AP3B1: variants seen among roughly 807,000 people sequenced by gnomAD.
The protein encoded by AP3B1 is AP-3 complex subunit beta-1.
Under a neutral mutation model 132.5 loss-of-function variants are expected in AP3B1, and 61 were observed. That is an observed-to-expected ratio of 0.46 (90% CI 0.37 to 0.57). The LOEUF is 0.57. Ranked by LOEUF, AP3B1 falls within the 20% of genes least tolerant of loss-of-function variation. The pLI is 0.00. For synonymous variants in AP3B1, 388 were observed against 438.3 expected (o/e 0.89, Z 1.43); for missense variants, 1,120 against 1,289.4 (o/e 0.87, Z 2.01).
intron 23 of AP3B1, among the ~76,000 whole-genome samples, chr5:78,036,679 C>G (rs554660775): frequency 1.3e-5 from 2 of 152,110 alleles, no homozygotes; most frequent in Admixed American, 6.5e-5. Flanking sequence ...ATGCCAAACA[C>G]AGAGTGAAAT....
intron 3 of AP3B1, among the ~76,000 whole-genome samples, chr5:78,232,716 T>C (rs1228595885): frequency 6.7e-6 from 1 of 150,126 alleles, no homozygotes; most frequent in Non-Finnish European, 1.5e-5. Context: ...TCTTTCTTTC[T>C]TTTTTTTTTA....
At chr5:78,100,065 G>A (rs1751065319) in intron 21 of AP3B1, among the ~76,000 whole-genome samples, 1 of 152,138 alleles carries the variant, frequency 6.6e-6, no homozygotes, top group South Asian at 2.1e-4. Context: ...CTTAGCCAAT[G>A]TGTAAAACAT....
chr5:78,058,328 C>A (rs1387084958), intron 22 of AP3B1, among the ~76,000 whole-genome samples: 4 of 151,888 alleles, frequency 2.6e-5, no homozygotes, highest in African/African-American at 7.3e-5. Context: ...GGTGAAACCC[C>A]ATCTCTACTA....
chr5:78,115,077 A>G (rs1297244907), intron 18 of AP3B1, among the ~76,000 whole-genome samples: 1 of 152,234 alleles, frequency 6.6e-6, no homozygotes, highest in African/African-American at 2.4e-5. Context: ...ATTTACAAAC[A>G]GGAAAGTTTA....
chr5:78,167,167 CA>C (rs1410959649), intron 11 of AP3B1, among the ~76,000 whole-genome samples: 1 of 151,872 alleles, frequency 6.6e-6, no homozygotes, highest in Non-Finnish European at 1.5e-5. Context: ...ACAATCCCAC[CA>C]AAAAGTGGGC....
chr5:78,039,584 G>A (rs976510492), intron 22 of AP3B1, among the ~76,000 whole-genome samples: 4 of 152,064 alleles, frequency 2.6e-5, no homozygotes, highest in African/African-American at 9.6e-5. Flanking sequence ...GACCATCCTC[G>A]CTAACACGGT....
chr5:78,080,560 A>G (rs933449028), intron 22 of AP3B1, among the ~76,000 whole-genome samples: 3 of 147,352 alleles, frequency 2.0e-5, no homozygotes, highest in Non-Finnish European at 4.4e-5. Context: ...TGGAGAATAC[A>G]TTATTCAACT....
chr5:78,187,735 T>C (rs567705928), intron 7 of AP3B1, among the ~76,000 whole-genome samples: 94 of 152,220 alleles, frequency 6.2e-4, no homozygotes, highest in African/African-American at 2.2e-3. Context: ...AAAAACTATT[T>C]TAAAATTCAT....
At chr5:78,007,230 C>T (rs866712984) in intron 26 of AP3B1, among the ~76,000 whole-genome samples, 6 of 152,138 alleles carry the variant, frequency 3.9e-5, no homozygotes, top group Non-Finnish European at 8.8e-5. Flanking sequence ...TGAGAGGCTG[C>T]GTCAGTCTCC....
chr5:78,247,161 A>C (rs1024772296), intron 2 of AP3B1, among the ~76,000 whole-genome samples: 69 of 151,546 alleles, frequency 4.6e-4, no homozygotes, highest in African/African-American at 1.6e-3. Flanking sequence ...TGTTTAGTTT[A>C]ATTCTATATG....
chr5:78,003,590 T>G (rs1746271090), intron 26 of AP3B1: 2 of 235,736 alleles, frequency 8.5e-6, no homozygotes, highest in Admixed American at 6.5e-5. Flanking sequence ...ATATTCAAAT[T>G]AAATCTCTAA....
intron 19 of AP3B1, among the ~76,000 whole-genome samples, chr5:78,113,497 T>C (rs555524451): frequency 2.9e-4 from 44 of 152,332 alleles, no homozygotes; most frequent in African/African-American, 1.0e-3. Context: ...CTTGATCACT[T>C]AACTCAGCCT....
chr5:78,028,773 T>C (rs1235457453), intron 24 of AP3B1, among the ~76,000 whole-genome samples: 1 of 152,248 alleles, frequency 6.6e-6, no homozygotes, highest in East Asian at 1.9e-4. Flanking sequence ...TTTCTTTTGT[T>C]CTAGAAAAAT....
chr5:78,244,663 GAGA>G (rs1261427218), intron 2 of AP3B1, among the ~76,000 whole-genome samples: 1 of 152,110 alleles, frequency 6.6e-6, no homozygotes, highest in Non-Finnish European at 1.5e-5. Context: ...CATACAGACA[GAGA>G]AGTAGACTGA....
rs1332459955 is a variant in AP3B1, at chr5:78,141,178, G to A, written c.1615C>T (p.Leu539=). ...DDLVKLQILN[L]GAKLYLTNSK... Reference sequence around the variant, plus strand: ...TTGGTTAAATACAATTTTGCTCCCAGATTTAATATCTGCAGTTTTACCAGA... The same window carrying A: ...TTGGTTAAATACAATTTTGCTCCCAAATTTAATATCTGCAGTTTTACCAGA... The change falls in exon 15 of 27, where the codon CTG becomes TTG. Residue 539 remains leucine, a synonymous_variant. Transcript: ENST00000255194. 6.2e-7 allele frequency: 1 copy of A among 1,613,690 alleles called. No homozygotes were observed. The highest frequency in any genetic ancestry group is 8.5e-7 in the Non-Finnish European group (1 of 1,179,710).
chr5:78,149,383 T>G (rs1753548324), intron 14 of AP3B1, among the ~76,000 whole-genome samples: 1 of 152,152 alleles, frequency 6.6e-6, no homozygotes, highest in African/African-American at 2.4e-5. Flanking sequence ...CCTTGAAGTG[T>G]TGCTATTAAA....
At chr5:78,218,114 T>C (rs114904555) in intron 6 of AP3B1, among the ~76,000 whole-genome samples, 2,316 of 152,162 alleles carry the variant, frequency 0.015, 69 homozygotes, top group African/African-American at 0.053. Flanking sequence ...GAGAGTACTT[T>C]TACAAAATAA....
At chr5:78,162,782 T>G in intron 13 of AP3B1, 37 bp downstream of exon 13, 1 of 1,609,564 alleles carries the variant, frequency 6.2e-7, no homozygotes, top group Non-Finnish European at 8.5e-7. Flanking sequence ...TATTCAAATT[T>G]AAATCACCTG....
chr5:78,015,757 A>G (rs1746832182), intron 25 of AP3B1: 1 of 523,510 alleles, frequency 1.9e-6, no homozygotes, highest in African/African-American at 1.9e-5. Flanking sequence ...AAATGTGTAA[A>G]AATTCAGTAA....
Sources: allele counts gnomAD v4.1 joint callset (sites outside exome capture counted in the v4.1 genomes callset), GRCh38; gene constraint gnomAD v4.1.1; transcripts MANE v1.5; gene names NCBI Gene and HGNC (gene_info 2026-07-23, HGNC 2026-07-21).